Variants in LRFN5 observed in about 807,000 individuals in gnomAD.
LRFN5 encodes the protein leucine rich repeat and fibronectin type III domain containing 5.
LRFN5 carries 24 observed loss-of-function variants against 45.6 expected under a neutral mutation model. The ratio of observed to expected loss-of-function variants is 0.53; its 90% confidence interval spans 0.38 to 0.74. LRFN5 has a LOEUF of 0.74. Among genes scored for constraint, LRFN5 ranks in the 30% least tolerant of loss-of-function variants. The pLI is 0.00. For synonymous variants in LRFN5, 340 were observed against 313.8 expected (o/e 1.08, Z -0.88); for missense variants, 776 against 861.5 (o/e 0.90, Z 1.24).
chr14:41,829,457 T>G (rs555035064), intron 2 of LRFN5, among the ~76,000 whole-genome samples: 1 of 152,140 alleles, frequency 6.6e-6, no homozygotes, highest in Non-Finnish European at 1.5e-5. Flanking sequence ...ATGAGCAATT[T>G]CAGACAAATT....
intron 2 of LRFN5, among the ~76,000 whole-genome samples, chr14:41,820,406 G>T (rs1284525118): frequency 6.6e-6 from 1 of 151,704 alleles, no homozygotes; most frequent in African/African-American, 2.4e-5. Flanking sequence ...TGACTTTATT[G>T]ATAACCAGTT....
At chr14:41,707,000 G>C (rs1883094011) in intron 1 of LRFN5, among the ~76,000 whole-genome samples, 1 of 152,118 alleles carries the variant, frequency 6.6e-6, no homozygotes, top group African/African-American at 2.4e-5. Context: ...TGTAGAGACA[G>C]GAGGAGGAAA....
chr14:41,819,550 A>G (rs934856772), intron 2 of LRFN5, among the ~76,000 whole-genome samples: 7 of 152,272 alleles, frequency 4.6e-5, no homozygotes, highest in Admixed American at 1.3e-4. Context: ...AATTGGTCAC[A>G]GTTCTGCAGA....
intron 1 of LRFN5, among the ~76,000 whole-genome samples, chr14:41,618,204 A>G (rs1224522367): frequency 6.6e-6 from 1 of 152,146 alleles, no homozygotes; most frequent in Non-Finnish European, 1.5e-5. Context: ...AAGCCCTGTC[A>G]TGTTTTCCTA....
chr14:41,871,672 G>GT (rs1254962420), intron 2 of LRFN5, among the ~76,000 whole-genome samples: 3 of 151,928 alleles, frequency 2.0e-5, no homozygotes, highest in African/African-American at 4.8e-5. Context: ...CAAAGCAGCC[G>GT]TATCTATCCA....
intron 2 of LRFN5, among the ~76,000 whole-genome samples, chr14:41,831,301 T>C (rs370470630): frequency 2.0e-5 from 3 of 152,316 alleles, no homozygotes; most frequent in East Asian, 3.9e-4. Context: ...ACTTAATCAC[T>C]ACTAACACAT....
At chr14:41,689,132 T>G (rs964310795) in intron 1 of LRFN5, among the ~76,000 whole-genome samples, 1 of 151,598 alleles carries the variant, frequency 6.6e-6, no homozygotes, top group African/African-American at 2.4e-5. Context: ...ATGATGATAA[T>G]GATAATGAAT....
At chr14:41,657,928 A>AG (rs142210842) in intron 1 of LRFN5, among the ~76,000 whole-genome samples, 282 of 151,690 alleles carry the variant, frequency 1.9e-3, no homozygotes, top group African/African-American at 6.6e-3. Context: ...TGGGAGAAAA[A>AG]GAAAAAAAAA....
intron 2 of LRFN5, among the ~76,000 whole-genome samples, chr14:41,874,260 G>A (rs995760217): frequency 1.2e-4 from 18 of 152,130 alleles, no homozygotes; most frequent in Admixed American, 1.1e-3. Flanking sequence ...AAAGAGAACT[G>A]GGGCATTAAA....
chr14:41,731,004 T>G (rs552773827), intron 1 of LRFN5, among the ~76,000 whole-genome samples: 1 of 152,182 alleles, frequency 6.6e-6, no homozygotes, highest in East Asian at 1.9e-4. Flanking sequence ...TGTTCATTTT[T>G]AAAAACAAAA....
At chr14:41,902,096 A>C (rs528613580) in intron 5 of LRFN5, among the ~76,000 whole-genome samples, 14 of 152,072 alleles carry the variant, frequency 9.2e-5, no homozygotes, top group African/African-American at 1.4e-4. Flanking sequence ...GAATAGGGGC[A>C]GTAATAAATC....
chr14:41,847,681 A>G (rs1280953433), intron 2 of LRFN5, among the ~76,000 whole-genome samples: 1 of 152,084 alleles, frequency 6.6e-6, no homozygotes, highest in African/African-American at 2.4e-5. Flanking sequence ...CCAAATTTCC[A>G]GAGTTAGTAA....
In LRFN5 at chr14:41,673,423, G is replaced by T. The variant is rs892415476; in HGVS notation, c.-197+64861G>T. On this transcript the variant is annotated intron_variant, in intron 1 of 5. Coordinates refer to ENST00000298119, the MANE Select transcript of LRFN5 (RefSeq NM_152447.5). ...CCGCCCCCCACCTCACTGCCGGACCGGGCGGCTGGCCGGGCGGGGGGGCTG... is the reference window on the plus strand; with the variant it reads ...CCGCCCCCCACCTCACTGCCGGACCTGGCGGCTGGCCGGGCGGGGGGGCTG... 1.4e-5 allele frequency among the ~76,000 whole-genome samples: 2 copies of T among 146,482 alleles called. 1 individual carries two copies. The highest frequency in any genetic ancestry group is 3.0e-5 in the Non-Finnish European group (2 of 66,180).
intron 2 of LRFN5, among the ~76,000 whole-genome samples, chr14:41,854,481 G>T (rs1889384641): frequency 6.6e-6 from 1 of 151,834 alleles, no homozygotes; most frequent in Non-Finnish European, 1.5e-5. Context: ...TGCACATTGT[G>T]CACATGTACC....
rs150522279 is a variant in LRFN5, at chr14:41,717,356, G to C, written c.-196-49498G>C. Among the ~76,000 whole-genome samples, 971 of 152,268 alleles carry C rather than the reference G, an allele frequency of 6.4e-3. 44 individuals carry two copies. The highest frequency in any genetic ancestry group is 0.056 in the Admixed American group (856 of 15,282). On this transcript the variant is annotated intron_variant, in intron 1 of 5. Coordinates refer to ENST00000298119, the MANE Select transcript of LRFN5 (RefSeq NM_152447.5). ...AGATAGACTTACTGAACATATTGAG[G>C]AAAGAATATTTCTGTGTTTAAATGA...
chr14:41,666,512 C>A (rs1417688398), intron 1 of LRFN5, among the ~76,000 whole-genome samples: 11 of 152,042 alleles, frequency 7.2e-5, no homozygotes, highest in Admixed American at 7.2e-4. Context: ...ATGATTCATA[C>A]TATAGATTTT....
intron 1 of LRFN5, among the ~76,000 whole-genome samples, chr14:41,668,145 T>C (rs892852535): frequency 6.6e-6 from 1 of 152,198 alleles, no homozygotes; most frequent in African/African-American, 2.4e-5. Flanking sequence ...CATATAGTGA[T>C]TGCTGTGTAG....
At position 41,704,448 on chromosome 14, in the gene LRFN5, C is replaced by CTCTCTGTGTGTGTGTGTGTGTGTGTG. The variant is rs200253065; in HGVS notation, c.-196-62405_-196-62404insCTCTGTGTGTGTGTGTGTGTGTGTGT. ...TCTCTCTCTCTCTCTCTCTCTCTCT[C>CTCTCTGTGTGTGTGTGTGTGTGTGTG]TGTGTGTGTGTGTCTGTGAGATTTG... On this transcript the variant is annotated intron_variant, in intron 1 of 5. Coordinates refer to ENST00000298119, the MANE Select transcript of LRFN5 (RefSeq NM_152447.5). 6.4e-5 allele frequency among the ~76,000 whole-genome samples: 8 copies of CTCTCTGTGTGTGTGTGTGTGTGTGTG among 124,298 alleles called. 1 individual carries two copies. Among genetic ancestry groups the CTCTCTGTGTGTGTGTGTGTGTGTGTG allele is most frequent in the African/African-American group, 3.1e-4 (8 of 25,968 alleles). The allele number at this position is 124,298 out of a possible 152,430, so 81.5% of individuals were successfully genotyped here. A position where few individuals can be genotyped will look rare whatever the true frequency, so the allele number is the denominator to read the frequency against.
In LRFN5 at chr14:41,892,293, A is replaced by G. The variant is rs576288364; in HGVS notation, c.2098+331A>G. On this transcript the variant is annotated intron_variant, in intron 4 of 5. Coordinates refer to ENST00000298119, the MANE Select transcript of LRFN5 (RefSeq NM_152447.5). ...ATAAATCAACCTTCTCAGGTACAGT[A>G]TATATATATACACATATATAACTAT... 90 of 955,380 alleles carry G rather than the reference A, an allele frequency of 9.4e-5. No individual in the cohort carries two copies. In the African/African-American group the frequency reaches 1.3e-3, roughly 14 times the overall value. The allele number at this position is 955,380 out of a possible 1,614,324, so 59.2% of individuals were successfully genotyped here. A position where few individuals can be genotyped will look rare whatever the true frequency, so the allele number is the denominator to read the frequency against.
Sources: allele counts gnomAD v4.1 joint callset (sites outside exome capture counted in the v4.1 genomes callset), GRCh38; gene constraint gnomAD v4.1.1; transcripts MANE v1.5; gene names NCBI Gene and HGNC (gene_info 2026-07-23, HGNC 2026-07-21).